Variants in CTNNA2 observed in about 807,000 individuals in gnomAD.
The protein encoded by CTNNA2 is catenin alpha-2.
A neutral mutation model predicts 101.0 loss-of-function variants in CTNNA2; 42 were observed. That is an observed-to-expected ratio of 0.42 (90% CI 0.32 to 0.54). CTNNA2 has a LOEUF of 0.54. CTNNA2 is among the 20% of genes least tolerant of loss of function. The pLI is 0.14. For synonymous variants in CTNNA2, 450 were observed against 456.4 expected (o/e 0.99, Z 0.18); for missense variants, 871 against 1,223.1 (o/e 0.71, Z 4.29).
chr2:80,118,212 A>G (rs1017883829), intron 7 of CTNNA2, among the ~76,000 whole-genome samples: 2 of 152,176 alleles, frequency 1.3e-5, no homozygotes, highest in Non-Finnish European at 1.5e-5. Flanking sequence ...TTACCTGAAC[A>G]TTTTTTGTAA....
intron 3 of CTNNA2, among the ~76,000 whole-genome samples, chr2:79,783,878 A>G (rs770797259): frequency 5.3e-5 from 8 of 152,224 alleles, no homozygotes; most frequent in Admixed American, 1.3e-4. Flanking sequence ...CTTGAGATAT[A>G]TATGGAATAA....
At chr2:80,085,452 G>A (rs866796576) in intron 7 of CTNNA2, among the ~76,000 whole-genome samples, 2 of 151,978 alleles carry the variant, frequency 1.3e-5, no homozygotes, top group African/African-American at 2.4e-5. Context: ...AAACATTTCC[G>A]AATAGTTCTA....
chr2:79,365,494 T>C (rs940285897), intron 3 of CTNNA2, among the ~76,000 whole-genome samples: 4 of 150,924 alleles, frequency 2.7e-5, no homozygotes, highest in African/African-American at 4.9e-5. Context: ...GGTGTGGTGG[T>C]GCATGCCTGT....
At chr2:80,066,282 C>A (rs757731483) in intron 7 of CTNNA2, among the ~76,000 whole-genome samples, 5 of 152,082 alleles carry the variant, frequency 3.3e-5, no homozygotes, top group Non-Finnish European at 5.9e-5. Context: ...GAAGAGACAA[C>A]CTATGAAATG....
intron 15 of CTNNA2, among the ~76,000 whole-genome samples, chr2:80,595,591 A>G (rs1201834537): frequency 1.3e-5 from 2 of 152,202 alleles, no homozygotes; most frequent in African/African-American, 4.8e-5. Flanking sequence ...ATTGAGTATG[A>G]ATAAAGTAAG....
chr2:80,519,090 A>G (rs1689320239), intron 9 of CTNNA2, among the ~76,000 whole-genome samples: 1 of 152,154 alleles, frequency 6.6e-6, no homozygotes, highest in African/African-American at 2.4e-5. Flanking sequence ...TGATAAGGGA[A>G]TACAAGAATA....
At chr2:79,404,917 A>T (rs564788846) in intron 4 of CTNNA2, among the ~76,000 whole-genome samples, 85 of 152,106 alleles carry the variant, frequency 5.6e-4, no homozygotes, top group Non-Finnish European at 1.1e-3. Flanking sequence ...TCAGAACTTT[A>T]TTTTTTTAAA....
intron 7 of CTNNA2, among the ~76,000 whole-genome samples, chr2:80,200,912 C>T (rs935875765): frequency 1.4e-4 from 21 of 151,964 alleles, no homozygotes; most frequent in African/African-American, 5.1e-4. Context: ...GGATGGGATC[C>T]ATGATACCTG....
chr2:79,986,103 T>G (rs1481243975), intron 7 of CTNNA2, among the ~76,000 whole-genome samples: 2 of 152,192 alleles, frequency 1.3e-5, no homozygotes, highest in African/African-American at 4.8e-5. Context: ...TTTGCCAAAA[T>G]TTTAACAACT....
intron 9 of CTNNA2, among the ~76,000 whole-genome samples, chr2:80,466,140 G>A (rs1486782064): frequency 1.3e-5 from 2 of 152,108 alleles, no homozygotes; most frequent in African/African-American, 2.4e-5. Flanking sequence ...CCACATTTCT[G>A]TTGTGATATT....
At chr2:79,960,990 A>G (rs1174066566) in intron 7 of CTNNA2, among the ~76,000 whole-genome samples, 2 of 152,230 alleles carry the variant, frequency 1.3e-5, no homozygotes, top group African/African-American at 2.4e-5. Context: ...CTCTTTAGAC[A>G]TGGAAAATCA....
At chr2:80,221,105 A>T (rs1275916948) in intron 7 of CTNNA2, among the ~76,000 whole-genome samples, 2 of 152,138 alleles carry the variant, frequency 1.3e-5, no homozygotes, top group African/African-American at 4.8e-5. Flanking sequence ...CTGGTCTCCA[A>T]CGCCTGACCT....
At chr2:79,559,782 T>C (rs971604305) in intron 1 of CTNNA2, among the ~76,000 whole-genome samples, 2 of 151,848 alleles carry the variant, frequency 1.3e-5, no homozygotes, top group African/African-American at 4.8e-5. Flanking sequence ...AAGTTAATTA[T>C]TATAAAGGAG....
intron 2 of CTNNA2, among the ~76,000 whole-genome samples, chr2:79,296,411 A>G (rs1387238787): frequency 6.6e-6 from 1 of 152,200 alleles, no homozygotes; most frequent in African/African-American, 2.4e-5. Flanking sequence ...GTCATGAAAA[A>G]GTTTCTGCTG....
chr2:79,670,943 G>A (rs1454202479), intron 2 of CTNNA2, among the ~76,000 whole-genome samples: 3 of 152,134 alleles, frequency 2.0e-5, no homozygotes, highest in East Asian at 3.9e-4. Context: ...GTCATGGACC[G>A]ATATTTTAAA....
chr2:80,595,292 T>A (rs1356522631), intron 15 of CTNNA2, among the ~76,000 whole-genome samples: 1 of 139,682 alleles, frequency 7.2e-6, no homozygotes, highest in Non-Finnish European at 1.5e-5. Flanking sequence ...AGGATTTTTT[T>A]ATTTACTAGT....
At chr2:79,576,906 T>C (rs1406140887) in intron 1 of CTNNA2, among the ~76,000 whole-genome samples, 3 of 152,178 alleles carry the variant, frequency 2.0e-5, no homozygotes, top group African/African-American at 7.2e-5. Flanking sequence ...TATTCGAGCA[T>C]AACATCCAGT....
intron 6 of CTNNA2, among the ~76,000 whole-genome samples, chr2:79,902,264 C>T (rs867152409): frequency 5.9e-5 from 9 of 152,258 alleles, no homozygotes; most frequent in African/African-American, 1.9e-4. Context: ...AGAGCATAGA[C>T]GCCAGAGCTA....
intron 9 of CTNNA2, among the ~76,000 whole-genome samples, chr2:80,501,402 A>G (rs1687871123): frequency 6.6e-6 from 1 of 152,182 alleles, no homozygotes; most frequent in African/African-American, 2.4e-5. Flanking sequence ...AATCCCTTAG[A>G]CATTTGCTTT....
Sources: allele counts gnomAD v4.1 joint callset (sites outside exome capture counted in the v4.1 genomes callset), GRCh38; gene constraint gnomAD v4.1.1; transcripts MANE v1.5; gene names NCBI Gene and HGNC (gene_info 2026-07-23, HGNC 2026-07-21).